SYNE1: variants seen among roughly 807,000 people sequenced by gnomAD.
The protein encoded by SYNE1 is nesprin-1.
In SYNE1, 616 loss-of-function variants were observed where a neutral mutation model predicts 1,111.0. That is an observed-to-expected ratio of 0.55 (90% confidence interval 0.52 to 0.59). The LOEUF (loss-of-function observed/expected upper bound fraction) is 0.59. SYNE1 is among the 20% of genes least tolerant of loss of function. SYNE1 has a pLI of 0.00. For synonymous variants in SYNE1, 3,855 were observed against 3,825.8 expected (o/e 1.01, Z -0.28); for missense variants, 10,006 against 10,417.0 (o/e 0.96, Z 1.72).
intron 82 of SYNE1, among the ~76,000 whole-genome samples, chr6:152,323,238 C>T (rs1018612967): frequency 1.3e-5 from 2 of 152,060 alleles, no homozygotes; most frequent in East Asian, 3.9e-4. Context: ...ATCACGAGGT[C>T]AGGAGATCAA....
intron 70 of SYNE1, 40 bp from the exon 71 acceptor site, chr6:152,350,810 C>T (rs777791768): frequency 1.1e-5 from 17 of 1,612,624 alleles, no homozygotes; most frequent in Middle Eastern, 1.7e-4. Flanking sequence ...TGCTCATCTC[C>T]GTGGACAAGA....
rs570194333 is a variant in SYNE1 at position 152,230,021 on chromosome 6, G to T, written c.21195+526C>A. ...TACTATGATATCTATTTTAGAAAAA[G>T]AAATAATTTAGGCAATTTTTTTTTT... On this transcript the variant is annotated intron_variant, in intron 115 of 145. Transcript: ENST00000367255. Among the ~76,000 whole-genome samples the T allele has an allele frequency of 3.7e-5, 5 of 136,760 alleles. No individual in the cohort carries two copies. The South Asian group carries it at 9.6e-4, about 26-fold the overall frequency. The allele number at this position is 136,760 out of a possible 152,430, so 89.7% of individuals were successfully genotyped here.
At chr6:152,570,668 C>A (rs1180710383) in intron 3 of SYNE1, among the ~76,000 whole-genome samples, 1 of 152,124 alleles carries the variant, frequency 6.6e-6, no homozygotes, top group African/African-American at 2.4e-5. Flanking sequence ...CACCAGGAAG[C>A]GGGTCTTGCA....
intron 21 of SYNE1, among the ~76,000 whole-genome samples, chr6:152,459,689 C>G (rs2098719971): frequency 1.3e-5 from 2 of 152,172 alleles, no homozygotes. Context: ...ACTCTTCATC[C>G]TCCAAGAACT....
At chr6:152,476,314 A>G (rs553726641) in intron 14 of SYNE1, among the ~76,000 whole-genome samples, 1 of 152,270 alleles carries the variant, frequency 6.6e-6, no homozygotes, top group East Asian at 1.9e-4. Context: ...ATTGATAGAA[A>G]CTGTTTTTTC....
Position 152,358,638 on chromosome 6 carries a change from T to G in SYNE1, c.10444-101A>C, listed in dbSNP as rs1223771302. On this transcript the variant is annotated intron_variant, in intron 65 of 145. Coordinates refer to ENST00000367255, the MANE Select transcript of SYNE1 (RefSeq NM_182961.4). ...TGTAATTTTAGAAAAGTATAATTAT[T>G]GAGACATTAGAATATGAGTTATTTC... The G allele has an allele frequency of 1.4e-5, 16 of 1,172,734 alleles. No individual in the cohort carries two copies. In the African/African-American group the frequency reaches 2.2e-4, roughly 16 times the overall value. 72.6% of individuals were successfully genotyped at this position (1,172,734 alleles called of 1,614,324 possible). A position where few individuals can be genotyped will look rare whatever the true frequency, so the allele number is the denominator to read the frequency against.
chr6:152,141,492 C>G (rs1164863123), intron 138 of SYNE1, among the ~76,000 whole-genome samples, 163 bp from the exon 139 acceptor site: 1 of 152,200 alleles, frequency 6.6e-6, no homozygotes, highest in Admixed American at 6.5e-5. Context: ...TGTGGTGTCT[C>G]AGGCCTGTGA....
Position 152,461,705 on chromosome 6 carries a change from T to C in SYNE1, c.2286A>G (p.Gln762=), listed in dbSNP as rs375103550. ...IEQRVPVMDA[Q]YKIITKTAHL... ...GTGCTGTCTTTGTAATTATCTTGTA[T>C]TGGGCATCCATCACAGGCACCCTCT... Residue 762 remains glutamine (Q), a synonymous_variant, in exon 21 of 146, where the codon CAA becomes CAG. Transcript: ENST00000367255. 4.3e-6 allele frequency: 7 copies of C among 1,613,900 alleles called. No homozygotes were observed. In the African/African-American group the frequency reaches 6.7e-5, roughly 15 times the overall value.
At position 152,367,311 on chromosome 6, in the gene SYNE1, T is replaced by C. The variant is rs1009561973; in HGVS notation, c.9879A>G (p.Gln3293=). 1 of 1,614,230 alleles carries C rather than the reference T, an allele frequency of 6.2e-7. No homozygotes were observed. The highest frequency in any genetic ancestry group is 8.5e-7 in the Non-Finnish European group (1 of 1,180,032). ...TGTGAATCGCATCCGTCATCCAGTC[T>C]TGTAATTCTTTAATCCCAAGAGAGA... ...NQFSLGIKEL[Q]DWMTDAIHML... Residue 3293 remains glutamine (Q), a synonymous_variant, in exon 62 of 146, where the codon CAA becomes CAG. Transcript: ENST00000367255.
chr6:152,209,212 T>C (rs1229635351), intron 124 of SYNE1, among the ~76,000 whole-genome samples: 2 of 152,218 alleles, frequency 1.3e-5, no homozygotes, highest in East Asian at 3.9e-4. Context: ...GAGGGTAGCA[T>C]CAACTTTGAA....
At chr6:152,359,821 C>A (rs2096901296) in intron 64 of SYNE1, among the ~76,000 whole-genome samples, 1 of 151,762 alleles carries the variant, frequency 6.6e-6, no homozygotes, top group South Asian at 2.1e-4. Flanking sequence ...CTTTCCATCT[C>A]TTTTCAAACA....
chr6:152,601,092 T>C (rs1029619831), intron 3 of SYNE1, among the ~76,000 whole-genome samples: 1 of 152,066 alleles, frequency 6.6e-6, no homozygotes, highest in African/African-American at 2.4e-5. Context: ...CTCTGAGAAG[T>C]GAGGAAGCTT....
chr6:152,521,062 C>A (rs1237818182), intron 5 of SYNE1, among the ~76,000 whole-genome samples: 2 of 152,076 alleles, frequency 1.3e-5, no homozygotes, highest in Non-Finnish European at 2.9e-5. Flanking sequence ...TAGTGTTTGC[C>A]ATTTTATAGA....
intron 145 of SYNE1, chr6:152,125,809 A>G (rs905110687): frequency 6.5e-6 from 1 of 153,344 alleles, no homozygotes; most frequent in African/African-American, 2.4e-5. Flanking sequence ...TCTTTGTGCA[A>G]TTAGGTCAAA....
intron 3 of SYNE1, among the ~76,000 whole-genome samples, chr6:152,599,729 T>A (rs2099591656): frequency 6.6e-6 from 1 of 152,222 alleles, no homozygotes; most frequent in East Asian, 1.9e-4. Flanking sequence ...GTCAAGTGTA[T>A]TCAAGGGTAT....
rs2098392552 is a variant in SYNE1 at position 152,428,404 on chromosome 6, G to A, written c.4789-12C>T. 2 of 1,612,852 alleles carry A rather than the reference G, an allele frequency of 1.2e-6. No individual in the cohort carries two copies. The highest frequency in any genetic ancestry group is 2.7e-5 in the African/African-American group (2 of 74,894). ...GCCTGGCAGAGATCCTAAGAAGAGT[G>A]CGAGAAGAATGCAGTGAAAGCACAG... is the stretch of plus-strand genomic sequence containing the variant. On this transcript the variant is annotated splice_polypyrimidine_tract_variant and intron_variant, in intron 36 of 145. Transcript: ENST00000367255.
chr6:152,565,495 C>T (rs759949796), intron 3 of SYNE1, among the ~76,000 whole-genome samples: 4 of 152,104 alleles, frequency 2.6e-5, no homozygotes, highest in African/African-American at 7.2e-5. Context: ...CCCTCTATTA[C>T]GTGCTAAGTG....
At chr6:152,614,218 A>G (rs1348894208) in intron 3 of SYNE1, among the ~76,000 whole-genome samples, 1 of 152,194 alleles carries the variant, frequency 6.6e-6, no homozygotes, top group African/African-American at 2.4e-5. Flanking sequence ...AATGGGAGAA[A>G]ATTTTTGCAA....
intron 45 of SYNE1, chr6:152,405,046 G>A (rs569618957): frequency 1.3e-5 from 2 of 152,378 alleles, no homozygotes; most frequent in South Asian, 2.1e-4. Flanking sequence ...ACTGGAAGAC[G>A]TGATGAGCTG....
Sources: allele counts gnomAD v4.1 joint callset (sites outside exome capture counted in the v4.1 genomes callset), GRCh38; gene constraint gnomAD v4.1.1; transcripts MANE v1.5; gene names NCBI Gene and HGNC (gene_info 2026-07-23, HGNC 2026-07-21).